Variants in EML5 observed in about 807,000 individuals in gnomAD.
EML5 encodes the protein echinoderm microtubule-associated protein-like 5.
Under a neutral mutation model 250.0 loss-of-function variants are expected in EML5, and 120 were observed. The observed-to-expected ratio is 0.48, with a 90% CI of 0.41 to 0.56. The LOEUF (loss-of-function observed/expected upper bound fraction) is 0.56, where lower values mean the gene tolerates loss of function less well. EML5 is among the 20% of genes least tolerant of loss of function. EML5 has a pLI of 0.00. For synonymous variants in EML5, 771 were observed against 806.5 expected (o/e 0.96, Z 0.75); for missense variants, 2,006 against 2,437.6 (o/e 0.82, Z 3.73).
rs562786241 is a variant in EML5 at position 88,729,558 on chromosome 14, G to A, written c.1050-2880C>T. ...GGAAGTATAGGCATATACTTATTTG[G>A]TTTTTTGTTTTTTGTTTTTTTGAGA... On this transcript the variant is annotated intron_variant, in intron 7 of 43. Coordinates refer to ENST00000554922, the MANE Select transcript of EML5 (RefSeq NM_183387.3). Among the ~76,000 whole-genome samples the A allele has an allele frequency of 3.0e-3, 445 of 148,472 alleles. 3 individuals carry two copies. Among genetic ancestry groups the A allele is most frequent in the African/African-American group, 0.011 (431 of 39,548 alleles).
At position 88,668,508 on chromosome 14, in the gene EML5, A is replaced by G. The variant is rs375544483; in HGVS notation, c.3125-3019T>C. ...ATACACTGAGAACCAGGAAGTGATC[A>G]ACAGATTGGCAGCAGGTTAAATGGA... On this transcript the variant is annotated intron_variant, in intron 21 of 43. Transcript: ENST00000554922. 5.9e-5 allele frequency among the ~76,000 whole-genome samples: 9 copies of G among 152,334 alleles called. No individual in the cohort carries two copies. In the East Asian group the frequency reaches 1.2e-3, roughly 20 times the overall value.
intron 8 of EML5, among the ~76,000 whole-genome samples, chr14:88,724,232 G>A (rs1045466318): frequency 2.1e-5 from 3 of 144,946 alleles, no homozygotes; most frequent in Admixed American, 7.1e-5. Context: ...CCGAGATTGC[G>A]CCACTGTACT....
intron 21 of EML5, among the ~76,000 whole-genome samples, chr14:88,676,406 A>ATTT (rs2092594476): frequency 3.3e-5 from 5 of 152,148 alleles, no homozygotes; most frequent in Non-Finnish European, 7.4e-5. Context: ...GACACATGAA[A>ATTT]CCATCAGAAG....
At chr14:88,747,137 G>A (rs1304228101) in intron 2 of EML5, among the ~76,000 whole-genome samples, 1 of 152,024 alleles carries the variant, frequency 6.6e-6, no homozygotes, top group African/African-American at 2.4e-5. Flanking sequence ...AAAGGGTCAG[G>A]TGCGGTGGCT....
chr14:88,665,529 T>C, intron 21 of EML5, 40 bp from the exon 22 acceptor site: 1 of 1,612,430 alleles, frequency 6.2e-7, no homozygotes, highest in South Asian at 1.1e-5. Context: ...TTCCCTTTTT[T>C]CTAATTTAAA....
intron 21 of EML5, among the ~76,000 whole-genome samples, chr14:88,676,342 G>C (rs1488746342): frequency 1.3e-5 from 2 of 152,196 alleles, no homozygotes; most frequent in African/African-American, 4.8e-5. Context: ...GGAGAAGCAG[G>C]CACCTTCTTC....
At chr14:88,663,483 T>C (rs905890603) in intron 23 of EML5, among the ~76,000 whole-genome samples, 2 of 151,720 alleles carry the variant, frequency 1.3e-5, no homozygotes, top group Non-Finnish European at 2.9e-5. Context: ...GTTGAATACA[T>C]GAAACAATAA....
At position 88,664,471 on chromosome 14, in the gene EML5, ATTAAG is replaced by A. The variant is rs2092247107; in HGVS notation, c.3409+17_3409+21del. On this transcript the variant is annotated intron_variant, in intron 23 of 43. Coordinates refer to ENST00000554922, the MANE Select transcript of EML5 (RefSeq NM_183387.3). ...AAATCAAATGAAACTTTTATCAAGT[ATTAAG>A]TTATTTAAAGTCTTACCTCTAATAT... The A allele has an allele frequency of 1.3e-6, 2 of 1,571,870 alleles. No homozygotes were observed. Among genetic ancestry groups the A allele is most frequent in the Non-Finnish European group, 1.7e-6 (2 of 1,164,512 alleles).
At chr14:88,768,151 T>C (rs1463384426) in intron 1 of EML5, among the ~76,000 whole-genome samples, 3 of 152,188 alleles carry the variant, frequency 2.0e-5, no homozygotes, top group African/African-American at 7.2e-5. Flanking sequence ...AAAAATTACA[T>C]TTGTCCTTCT....
intron 31 of EML5, among the ~76,000 whole-genome samples, chr14:88,641,347 A>G (rs748820591): frequency 1.3e-5 from 2 of 152,074 alleles, no homozygotes; most frequent in Non-Finnish European, 2.9e-5. Flanking sequence ...GAAAACTACA[A>G]AACATCCCAC....
chr14:88,688,384 T>A lies in EML5; in HGVS notation c.2629A>T (p.Met877Leu). Residue 877 changes from methionine (M) to leucine (L), a missense_variant, in exon 18 of 44, where the codon ATG (methionine) becomes TTG (leucine). Around this residue, in one of 7 missense-constraint regions of EML5, gnomAD observed 1,375 missense variants for 1,590.3 expected, o/e 0.86. Coordinates refer to ENST00000554922, the MANE Select transcript of EML5 (RefSeq NM_183387.3). ...MCAVYGWTEEMAFSGTSTGDV... is the reference protein window; with the variant it reads ...MCAVYGWTEELAFSGTSTGDV... ...CCTGTGGATGTTCCAGAAAAAGCCA[T>A]CTCTTCAGTCCATCCATACACTGCA... 1 of 1,614,004 alleles carries A rather than the reference T, an allele frequency of 6.2e-7. No individual in the cohort carries two copies. The highest frequency in any genetic ancestry group is 1.1e-5 in the South Asian group (1 of 91,078).
intron 28 of EML5, among the ~76,000 whole-genome samples, chr14:88,649,460 C>T (rs2091517323): frequency 6.6e-6 from 1 of 152,160 alleles, no homozygotes; most frequent in Admixed American, 6.5e-5. Flanking sequence ...ATAAAAGTAA[C>T]CCAAAGAGTC....
At chr14:88,748,197 T>G (rs1346037074) in intron 2 of EML5, among the ~76,000 whole-genome samples, 3 of 152,168 alleles carry the variant, frequency 2.0e-5, no homozygotes, top group Non-Finnish European at 4.4e-5. Flanking sequence ...TAGTAAGATT[T>G]GAGAATATTA....
chr14:88,788,727 G>C lies in EML5; in HGVS notation c.197+3580C>G, dbSNP rs1411886213. Among the ~76,000 whole-genome samples, 3 of 151,904 alleles carry C rather than the reference G, an allele frequency of 2.0e-5. No individual in the cohort carries two copies. In the East Asian group the frequency reaches 5.8e-4, roughly 29 times the overall value. On this transcript the variant is annotated intron_variant, in intron 1 of 43. Transcript: ENST00000554922. ...CTTAAGAACAATCTTGCAAAAATTT[G>C]CTTACGGGAAGTACCTAGAATAATA...
chr14:88,764,027 T>C (rs932971391), intron 1 of EML5, among the ~76,000 whole-genome samples: 11 of 152,366 alleles, frequency 7.2e-5, no homozygotes, highest in South Asian at 2.1e-4. Flanking sequence ...AGCAATTATA[T>C]AGCGAATTAC....
chr14:88,711,091 T>A (rs369962329), intron 10 of EML5, among the ~76,000 whole-genome samples: 1 of 152,122 alleles, frequency 6.6e-6, no homozygotes, highest in Admixed American at 6.5e-5. Flanking sequence ...TCACACTTCA[T>A]AACCAGGCAA....
chr14:88,755,343 T>C (rs927062276), intron 1 of EML5, among the ~76,000 whole-genome samples: 4 of 152,196 alleles, frequency 2.6e-5, no homozygotes, highest in Non-Finnish European at 5.9e-5. Context: ...TCTTTCCCAT[T>C]TTACTATTCC....
chr14:88,726,496 T>A (rs2093668751), intron 8 of EML5, 45 bp downstream of exon 8: 1 of 1,519,756 alleles, frequency 6.6e-7, no homozygotes, highest in Non-Finnish European at 8.9e-7. Flanking sequence ...ATATTCTGTA[T>A]CACTGAAGAT....
intron 18 of EML5, 122 bp from the exon 19 acceptor site, chr14:88,687,449 A>T: frequency 1.5e-6 from 1 of 662,358 alleles, no homozygotes. Context: ...GCTTGTAAAG[A>T]ACAGGAATTA....
Sources: allele counts gnomAD v4.1 joint callset (sites outside exome capture counted in the v4.1 genomes callset), GRCh38; gene constraint gnomAD v4.1.1; regional missense constraint gnomAD v4.1.1; transcripts MANE v1.5; gene names NCBI Gene and HGNC (gene_info 2026-07-23, HGNC 2026-07-21).